The following HOOK3 variants were observed in gnomAD, a reference collection of about 807,000 sequenced individuals.
The protein encoded by HOOK3 is protein Hook homolog 3.
HOOK3 carries 24 observed loss-of-function variants against 116.3 expected under a neutral mutation model. The ratio of observed to expected loss-of-function variants is 0.21; its 90% CI spans 0.15 to 0.29. HOOK3 has a LOEUF of 0.29. HOOK3 is among the 10% of genes least tolerant of loss of function. The pLI is 1.00. For missense variants in HOOK3, 632 were observed against 830.2 expected (o/e 0.76, Z 2.93); for synonymous variants, 275 against 283.0 (o/e 0.97, Z 0.28).
At chr8:42,912,220 T>C (rs891374786) in intron 2 of HOOK3, among the ~76,000 whole-genome samples, 5 of 152,228 alleles carry the variant, frequency 3.3e-5, no homozygotes, top group Non-Finnish European at 7.3e-5. Context: ...CATCATTTTG[T>C]AGTTTTAGGA....
chr8:42,905,721 C>T (rs911125147), intron 1 of HOOK3, among the ~76,000 whole-genome samples: 2 of 151,456 alleles, frequency 1.3e-5, no homozygotes, highest in Non-Finnish European at 2.9e-5. Flanking sequence ...GCAAAAGTTT[C>T]CAATTAGACT....
chr8:42,917,879 G>A (rs1807563221), intron 2 of HOOK3, among the ~76,000 whole-genome samples: 1 of 152,174 alleles, frequency 6.6e-6, no homozygotes, highest in South Asian at 2.1e-4. Context: ...CATTATGGAT[G>A]TGAAATTTTA....
At chr8:42,959,452 C>T (rs1299155515) in intron 8 of HOOK3, 138 bp downstream of exon 8, 2 of 579,430 alleles carry the variant, frequency 3.5e-6, no homozygotes, top group Non-Finnish European at 6.1e-6. Flanking sequence ...GGCGCAGTGG[C>T]TCACACCTGT....
At chr8:42,913,388 T>G (rs1807470761) in intron 2 of HOOK3, among the ~76,000 whole-genome samples, 1 of 152,262 alleles carries the variant, frequency 6.6e-6, no homozygotes. Context: ...TCAGTATGTT[T>G]TGAGGGAAGA....
At chr8:43,008,180 G>A (rs1264280010) in intron 18 of HOOK3, among the ~76,000 whole-genome samples, 11 of 151,778 alleles carry the variant, frequency 7.2e-5, no homozygotes, top group East Asian at 1.9e-4. Flanking sequence ...CACTACGCCC[G>A]GCTAATTTTT....
At chr8:43,003,246 A>G (rs1041622880) in intron 17 of HOOK3, among the ~76,000 whole-genome samples, 2 of 152,202 alleles carry the variant, frequency 1.3e-5, no homozygotes, top group Admixed American at 6.5e-5. Context: ...TCTTCTGGCA[A>G]TTTGCCTCAT....
At chr8:42,945,935 T>C (rs980493646) in intron 5 of HOOK3, among the ~76,000 whole-genome samples, 1 of 152,156 alleles carries the variant, frequency 6.6e-6, no homozygotes, top group African/African-American at 2.4e-5. Context: ...AATATCTTTT[T>C]TATAGTTCTT....
At chr8:42,940,638 C>T (rs1808095873) in intron 4 of HOOK3, among the ~76,000 whole-genome samples, 1 of 152,198 alleles carries the variant, frequency 6.6e-6, no homozygotes. Flanking sequence ...TGATGGGCTT[C>T]CCTTTGTGGG....
intron 3 of HOOK3, among the ~76,000 whole-genome samples, chr8:42,928,030 C>T (rs1807802138): frequency 6.6e-6 from 1 of 152,096 alleles, no homozygotes; most frequent in African/African-American, 2.4e-5. Context: ...TGTCTGTAAT[C>T]CCAGCACTTT....
intron 9 of HOOK3, 75 bp downstream of exon 9, chr8:42,964,549 A>T (rs1316142498): frequency 2.2e-6 from 3 of 1,362,066 alleles, no homozygotes; most frequent in Non-Finnish European, 2.0e-6. Flanking sequence ...TATATTGGCC[A>T]GGCACATTGG....
chr8:42,979,147 C>CT (rs964254035), intron 13 of HOOK3, among the ~76,000 whole-genome samples: 3 of 152,084 alleles, frequency 2.0e-5, no homozygotes, highest in Non-Finnish European at 4.4e-5. Context: ...TGGCTCATGC[C>CT]TGTAGTCCCA....
In HOOK3 at chr8:43,021,552, C is replaced by T. The variant is rs571330744; in HGVS notation, c.*3054C>T. 1.2e-4 allele frequency: 22 copies of T among 177,368 alleles called. No homozygotes were observed. The East Asian group carries it at 1.5e-3, about 12-fold the overall frequency. 11.0% of individuals were successfully genotyped at this position (177,368 alleles called of 1,614,324 possible). ...TCCTGACCTCGTGATCTACCCACCT[C>T]GGCCTCCCAAAGTGCTGAGATTACA... On this transcript the variant is annotated 3_prime_UTR_variant, in exon 22 of 22. Coordinates refer to ENST00000307602, the MANE Select transcript of HOOK3 (RefSeq NM_032410.4).
At chr8:42,909,744 C>T (rs78385095) in intron 2 of HOOK3, among the ~76,000 whole-genome samples, 2,410 of 152,280 alleles carry the variant, frequency 0.016, 32 homozygotes, top group Non-Finnish European at 0.022. Context: ...AGATTAAAGG[C>T]GTAAAACAAC....
rs199683678 is a variant in HOOK3 at position 42,969,503 on chromosome 8, T to TG, written c.1122+1291dup. On this transcript the variant is annotated intron_variant, in intron 11 of 21. Transcript: ENST00000307602. The stretch of plus-strand genomic sequence containing the variant: ...AGCTGGGCATGGTGGCATGAACCTG[T>TG]GGTCCCAGCTATTTGGGAGGATGAG... Among the ~76,000 whole-genome samples the TG allele has an allele frequency of 2.0e-5, 3 of 152,150 alleles. No individual in the cohort carries two copies. The East Asian group carries it at 5.8e-4, about 29-fold the overall frequency.
chr8:43,013,206 T>G, intron 20 of HOOK3, 51 bp downstream of exon 20: 1 of 1,456,080 alleles, frequency 6.9e-7, no homozygotes, highest in South Asian at 1.3e-5. Flanking sequence ...TTTTAATGTT[T>G]TGGGAGCCTT....
At chr8:42,978,514 G>A (rs552524611) in intron 13 of HOOK3, among the ~76,000 whole-genome samples, 1 of 151,642 alleles carries the variant, frequency 6.6e-6, no homozygotes, top group South Asian at 2.1e-4. Context: ...GGTTTCAAGC[G>A]ATTCTCCTGC....
chr8:43,010,781 G>C (rs1809589755), intron 19 of HOOK3, among the ~76,000 whole-genome samples: 2 of 152,194 alleles, frequency 1.3e-5, no homozygotes, highest in African/African-American at 4.8e-5. Context: ...CAGTTCACAG[G>C]CAAAATAAGG....
chr8:42,976,020 A>ATG (rs781447077), intron 13 of HOOK3, among the ~76,000 whole-genome samples: 36 of 149,730 alleles, frequency 2.4e-4, no homozygotes, highest in Non-Finnish European at 4.1e-4. Context: ...GTAGATGTAG[A>ATG]TGTGTGTGTG....
rs182910075 is a variant in HOOK3 at position 42,901,433 on chromosome 8, A to G, written c.57+4245A>G. Among the ~76,000 whole-genome samples the G allele has an allele frequency of 1.1e-4, 16 of 152,340 alleles. No homozygotes were observed. In the East Asian group the frequency reaches 2.1e-3, roughly 20 times the overall value. On this transcript the variant is annotated intron_variant, in intron 1 of 21. Coordinates refer to ENST00000307602, the MANE Select transcript of HOOK3 (RefSeq NM_032410.4). ...ACATACCCATAAAATTCATCCTTTT[A>G]AAGTGTATAATTTTTTTGGTTTTTA...
Sources: gnomAD v4.1 joint callset for allele counts (sites outside exome capture counted in the v4.1 genomes callset) on GRCh38, gnomAD v4.1.1 for gene constraint, MANE v1.5 for transcripts, NCBI Gene and HGNC (gene_info 2026-07-23, HGNC 2026-07-21) for gene names.